The following SCARA5 variants were observed in gnomAD, a reference collection of about 807,000 sequenced individuals.
SCARA5 encodes the protein scavenger receptor class A, member 5 (putative).
SCARA5 carries 45 observed loss-of-function variants against 46.3 expected under a neutral mutation model. That is an observed-to-expected ratio of 0.97 (90% CI 0.76 to 1.24). The LOEUF (loss-of-function observed/expected upper bound fraction) is 1.24. Ranked by LOEUF, SCARA5 falls within the 50% of genes most tolerant of loss-of-function variation. SCARA5 has a pLI of 0.00. For missense variants in SCARA5, 680 were observed against 689.0 expected, an observed-to-expected ratio of 0.99 and a Z score of 0.15; for synonymous variants, 333 against 306.5, an observed-to-expected ratio of 1.09 and a Z score of -0.90.
At chr8:27,873,643 ACT>A (rs78404762) in intron 8 of SCARA5, among the ~76,000 whole-genome samples, 15,867 of 150,882 alleles carry the variant, frequency 0.11, 982 homozygotes, top group East Asian at 0.2. Flanking sequence ...CCCTGCGCTG[ACT>A]CTCTTTTCTG....
At position 27,985,093 on chromosome 8, in the gene SCARA5, C is replaced by T. The variant is rs1418420408; in HGVS notation, c.112+2411G>A. Among the ~76,000 whole-genome samples, 10 of 152,214 alleles carry T rather than the reference C, an allele frequency of 6.6e-5. No individual in the cohort carries two copies. In the East Asian group the frequency reaches 1.9e-3, roughly 29 times the overall value. ...TCAATAAGCAAAACAGAGATGCCTACTGTGGTCCAGCCTATATTCTTGCCT... is the reference window on the plus strand; with the variant it reads ...TCAATAAGCAAAACAGAGATGCCTATTGTGGTCCAGCCTATATTCTTGCCT... On this transcript the variant is annotated intron_variant, in intron 2 of 8. Coordinates refer to ENST00000354914, the MANE Select transcript of SCARA5 (RefSeq NM_173833.6).
intron 2 of SCARA5, among the ~76,000 whole-genome samples, chr8:27,977,397 C>G (rs138511787): frequency 3.7e-4 from 57 of 152,314 alleles, no homozygotes; most frequent in African/African-American, 1.3e-3. Context: ...CTCCCTGACT[C>G]CTGAAACCTT....
At chr8:27,964,307 C>T (rs544363760) in intron 3 of SCARA5, among the ~76,000 whole-genome samples, 22 of 152,230 alleles carry the variant, frequency 1.4e-4, no homozygotes, top group African/African-American at 3.9e-4. Flanking sequence ...AGATCAGGTA[C>T]GACATTGTTG....
intron 3 of SCARA5, among the ~76,000 whole-genome samples, chr8:27,950,309 G>C (rs1808104075): frequency 6.6e-6 from 1 of 152,070 alleles, no homozygotes. Flanking sequence ...CGACTACCTG[G>C]AACCTGGTCC....
At chr8:27,978,375 T>C (rs1390513246) in intron 2 of SCARA5, among the ~76,000 whole-genome samples, 1 of 152,074 alleles carries the variant, frequency 6.6e-6, no homozygotes, top group African/African-American at 2.4e-5. Flanking sequence ...GCTAAGAACT[T>C]TAAAATTTCA....
At chr8:27,914,472 TC>T (rs1234408897) in intron 4 of SCARA5, among the ~76,000 whole-genome samples, 3 of 152,068 alleles carry the variant, frequency 2.0e-5, no homozygotes, top group Non-Finnish European at 2.9e-5. Flanking sequence ...CTGGGCACTA[TC>T]CCCCACCTCG....
At chr8:27,969,925 C>T (rs575768818) in intron 2 of SCARA5, among the ~76,000 whole-genome samples, 5 of 151,988 alleles carry the variant, frequency 3.3e-5, no homozygotes, top group African/African-American at 1.2e-4. Flanking sequence ...GTGGAAAAGC[C>T]CCACTCTGGT....
chr8:27,917,426 G>A (rs1235362531), intron 4 of SCARA5, among the ~76,000 whole-genome samples: 2 of 152,164 alleles, frequency 1.3e-5, no homozygotes, highest in Non-Finnish European at 2.9e-5. Flanking sequence ...GGGTACATTA[G>A]CAGGAGGCAT....
rs6987880 is a variant in SCARA5, at chr8:27,900,526, T to A, written c.1153+4252A>T. ...TTTTTCAAGTGCTCTAAGCCATGAA[T>A]GATAACCATCAACAAACTCTGGTTT... On this transcript the variant is annotated intron_variant, in intron 7 of 8. Coordinates refer to ENST00000354914, the MANE Select transcript of SCARA5 (RefSeq NM_173833.6). Among the ~76,000 whole-genome samples the A allele has an allele frequency of 7.7e-3, 1,175 of 152,324 alleles. 12 individuals are homozygous for A. Among genetic ancestry groups the A allele is most frequent in the African/African-American group, 0.027 (1,110 of 41,570 alleles).
intron 5 of SCARA5, 78 bp downstream of exon 5, chr8:27,909,585 T>C (rs1212933990): frequency 1.9e-6 from 2 of 1,061,044 alleles, no homozygotes; most frequent in Non-Finnish European, 2.8e-6. Context: ...AGCCCTGGCA[T>C]TTATACCATC....
Position 27,871,449 on chromosome 8 carries a change from T to C in SCARA5, c.*485A>G. 1 of 989,008 alleles carries C rather than the reference T, an allele frequency of 1.0e-6. No homozygotes were observed. Among genetic ancestry groups the C allele is most frequent in the South Asian group, 4.7e-5 (1 of 21,502 alleles). 61.3% of individuals were successfully genotyped at this position (989,008 alleles called of 1,614,324 possible). A position where few individuals can be genotyped will look rare whatever the true frequency, so the allele number is the denominator to read the frequency against. On this transcript the variant is annotated 3_prime_UTR_variant, in exon 9 of 9. Coordinates refer to ENST00000354914, the MANE Select transcript of SCARA5 (RefSeq NM_173833.6). The stretch of plus-strand genomic sequence containing the variant: ...GCAGAGGCAGAGTAAAGGGGGGAAA[T>C]TCATCACTTGACGTTGCCTCTTGCT...
At chr8:27,946,164 T>C (rs1453258592) in intron 3 of SCARA5, among the ~76,000 whole-genome samples, 1 of 152,232 alleles carries the variant, frequency 6.6e-6, no homozygotes, top group East Asian at 1.9e-4. Context: ...TAGGAACAAT[T>C]AAATCATGGT....
At chr8:27,972,769 C>T (rs762598405) in intron 2 of SCARA5, among the ~76,000 whole-genome samples, 9 of 152,128 alleles carry the variant, frequency 5.9e-5, no homozygotes, top group South Asian at 2.1e-4. Context: ...GAGACTGAGG[C>T]GGGAGGATCA....
In SCARA5 at chr8:27,907,259, C is replaced by T. The variant is rs1402704007; in HGVS notation, c.998-13G>A. ...TCCCCGGGCAGACCTGGGGAGAAAA[C>T]AGACAAATGGCAGAGCCTCAGATGC... is the stretch of plus-strand genomic sequence containing the variant. On this transcript the variant is annotated splice_polypyrimidine_tract_variant and intron_variant, in intron 5 of 8. Transcript: ENST00000354914. The T allele has an allele frequency of 1.9e-6, 3 of 1,594,612 alleles. No homozygotes were observed. In the East Asian group the frequency reaches 6.7e-5, roughly 36 times the overall value.
In SCARA5 at chr8:27,872,060, C is replaced by T. The variant is rs112298805; in HGVS notation, c.1362G>A (p.Arg454=). Residue 454 remains arginine (R), a synonymous_variant, in exon 9 of 9, where the codon AGG becomes AGA. Transcript: ENST00000354914. The stretch of plus-strand genomic sequence containing the variant: ...TGCAGGCAACGTCATCCATCCAGAT[C>T]CTCCCAGTGCCTGTGGAGACAGGGA... ...RTARFGQGTG[R]IWMDDVACKG... 11 of 1,614,222 alleles carry T rather than the reference C, an allele frequency of 6.8e-6. No individual in the cohort carries two copies. Among genetic ancestry groups the T allele is most frequent in the African/African-American group, 2.7e-5 (2 of 75,064 alleles).
At chr8:27,982,193 C>T (rs763169079) in intron 2 of SCARA5, among the ~76,000 whole-genome samples, 7 of 151,954 alleles carry the variant, frequency 4.6e-5, no homozygotes, top group Non-Finnish European at 1.0e-4. Context: ...GCCGTGGGGG[C>T]GAATGGGACT....
At chr8:27,973,938 C>A (rs78885255) in intron 2 of SCARA5, among the ~76,000 whole-genome samples, 2 of 152,072 alleles carry the variant, frequency 1.3e-5, no homozygotes, top group African/African-American at 4.8e-5. Context: ...CTCCTAAAAC[C>A]GGGAGCAAGA....
chr8:27,966,648 T>G (rs73568976), intron 2 of SCARA5, 106 bp from the exon 3 acceptor site: 247,460 of 1,240,824 alleles, frequency 0.2, 26,060 homozygotes, highest in East Asian at 0.38. Flanking sequence ...GATGTTCATG[T>G]TGAACTTCTC....
In SCARA5 at chr8:27,921,713, G is replaced by A. The variant is rs1310314118; in HGVS notation, c.774C>T (p.Asp258=). ...LRVLVSNASE[D]TRRLRLAHVG... is the part of the protein sequence containing the mutation. ...CGTGCGCCAGGCGCAGGCGGCGCGT[G>A]TCCTCGCTGGCGTTGCTCACCAGCA... Residue 258 remains aspartate (D), a synonymous_variant, in exon 4 of 9, where the codon GAC becomes GAT. Coordinates refer to ENST00000354914, the MANE Select transcript of SCARA5 (RefSeq NM_173833.6). The A allele has an allele frequency of 4.4e-6, 7 of 1,598,234 alleles. No individual in the cohort carries two copies. The highest frequency in any genetic ancestry group is 1.7e-4 in the Middle Eastern group (1 of 5,898).
Sources: allele counts gnomAD v4.1 joint callset (sites outside exome capture counted in the v4.1 genomes callset), GRCh38; gene constraint gnomAD v4.1.1; transcripts MANE v1.5; gene names NCBI Gene and HGNC (gene_info 2026-07-23, HGNC 2026-07-21).